C1QTNF3: variants seen among roughly 807,000 people sequenced by gnomAD.
C1QTNF3 encodes the protein C1q and TNF related 3.
C1QTNF3 carries 26 observed loss-of-function variants against 32.6 expected under a neutral mutation model. The ratio of observed to expected loss-of-function variants is 0.80; its 90% CI spans 0.58 to 1.11. The LOEUF is 1.11. Among genes scored for constraint, C1QTNF3 ranks in the 50% least tolerant of loss-of-function variants. The pLI, the probability that C1QTNF3 is intolerant of heterozygous loss-of-function variation, is 0.00. For missense variants in C1QTNF3, 362 were observed against 398.2 expected, an observed-to-expected ratio of 0.91 and a Z score of 0.77; for synonymous variants, 155 against 146.0, an observed-to-expected ratio of 1.06 and a Z score of -0.44.
At chr5:34,224,096 G>T in the C1QTNF3 span, among the ~76,000 whole-genome samples, 1 of 152,174 alleles carries the variant, frequency 6.6e-6, no homozygotes, top group East Asian at 1.9e-4. Context: ...ACTTAAAAGG[G>T]ATGGGAAGGA....
the C1QTNF3 span, among the ~76,000 whole-genome samples, chr5:34,142,755 T>C: frequency 6.6e-6 from 1 of 152,212 alleles, no homozygotes; most frequent in African/African-American, 2.4e-5. Context: ...TCTGGCCCTC[T>C]GAAAACACCC....
chr5:34,135,222 T>C, the C1QTNF3 span, among the ~76,000 whole-genome samples: 2 of 152,340 alleles, frequency 1.3e-5, no homozygotes, highest in East Asian at 1.9e-4. Flanking sequence ...ATTATGTTTA[T>C]TGATTTGTGT....
At chr5:34,120,654 A>G in the C1QTNF3 span, among the ~76,000 whole-genome samples, 1 of 152,106 alleles carries the variant, frequency 6.6e-6, no homozygotes. Context: ...GTCTCATAAG[A>G]TCTGATGGTT....
At chr5:34,171,266 A>AT in the C1QTNF3 span, among the ~76,000 whole-genome samples, 1 of 151,764 alleles carries the variant, frequency 6.6e-6, no homozygotes, top group African/African-American at 2.4e-5. Context: ...TTCTTACTGA[A>AT]TTTTTTTCAG....
chr5:34,049,317 A>T, the C1QTNF3 span, among the ~76,000 whole-genome samples: 1 of 152,152 alleles, frequency 6.6e-6, no homozygotes, highest in African/African-American at 2.4e-5. Flanking sequence ...CAGCTTCTAA[A>T]TCCAGATAAC....
the C1QTNF3 span, among the ~76,000 whole-genome samples, chr5:34,082,266 G>GA: frequency 6.6e-6 from 1 of 151,272 alleles, no homozygotes; most frequent in East Asian, 1.9e-4. Flanking sequence ...TGTAGAAAGG[G>GA]AAAAAATGTG....
the C1QTNF3 span, among the ~76,000 whole-genome samples, chr5:34,120,079 C>T: frequency 6.4e-4 from 97 of 152,298 alleles, no homozygotes; most frequent in Admixed American, 6.5e-4. Context: ...AATTTTAATA[C>T]TACCTCAAGT....
the C1QTNF3 span, among the ~76,000 whole-genome samples, chr5:34,075,707 T>A: frequency 1.3e-5 from 2 of 151,520 alleles, no homozygotes; most frequent in African/African-American, 4.9e-5. Context: ...ACAACAGAAT[T>A]ACTCTATGAA....
the C1QTNF3 span, among the ~76,000 whole-genome samples, chr5:34,110,754 A>G: frequency 1.3e-5 from 2 of 151,676 alleles, no homozygotes; most frequent in Non-Finnish European, 2.9e-5. Flanking sequence ...TTTCTCTCTG[A>G]AAAAATTTGT....
chr5:34,162,034 C>T, the C1QTNF3 span, among the ~76,000 whole-genome samples: 1 of 152,046 alleles, frequency 6.6e-6, no homozygotes, highest in Non-Finnish European at 1.5e-5. Flanking sequence ...TTACCCTGGA[C>T]TGATTCTCTC....
the C1QTNF3 span, among the ~76,000 whole-genome samples, chr5:34,080,434 T>A: frequency 6.6e-6 from 1 of 151,754 alleles, no homozygotes; most frequent in Non-Finnish European, 1.5e-5. Context: ...TGTTAAACAT[T>A]TTTAAATATA....
rs1754239031 is a variant in C1QTNF3, at chr5:34,018,092, A to C, written c.*2491T>G. On this transcript the variant is annotated 3_prime_UTR_variant, in exon 6 of 6. Coordinates refer to ENST00000382065, the MANE Select transcript of C1QTNF3 (RefSeq NM_181435.6). ...AAAGCTAATTTCAAATTATTTTATT[A>C]CTATATTTAAAAATAAAAGCCATAA... 6.6e-6 allele frequency among the ~76,000 whole-genome samples: 1 copy of C among 151,852 alleles called. No individual in the cohort carries two copies. The highest frequency in any genetic ancestry group is 1.5e-5 in the Non-Finnish European group (1 of 67,960).
chr5:34,114,618 C>CT, the C1QTNF3 span, among the ~76,000 whole-genome samples: 3 of 151,032 alleles, frequency 2.0e-5, no homozygotes, highest in African/African-American at 2.4e-5. Context: ...GATCATTTTA[C>CT]TTTTTTTTTG....
intron 1 of C1QTNF3, among the ~76,000 whole-genome samples, chr5:34,036,853 G>A (rs1754754674): frequency 1.3e-5 from 2 of 152,164 alleles, no homozygotes; most frequent in African/African-American, 4.8e-5. Flanking sequence ...TTGGGAGGCT[G>A]AGGCAGGAGA....
At chr5:34,107,090 T>C in the C1QTNF3 span, among the ~76,000 whole-genome samples, 1 of 77,904 alleles carries the variant, frequency 1.3e-5, no homozygotes, top group Non-Finnish European at 2.5e-5. Flanking sequence ...TTGCTAAGTA[T>C]AGTAAGTGTC....
At chr5:34,114,081 A>C in the C1QTNF3 span, among the ~76,000 whole-genome samples, 6 of 152,224 alleles carry the variant, frequency 3.9e-5, no homozygotes, top group African/African-American at 1.4e-4. Context: ...TAATTAAGGA[A>C]AGTGAATAGC....
At chr5:34,068,855 C>T in the C1QTNF3 span, among the ~76,000 whole-genome samples, 1 of 152,226 alleles carries the variant, frequency 6.6e-6, no homozygotes, top group East Asian at 1.9e-4. Flanking sequence ...TTATCTATGT[C>T]ACAAATAACA....
At chr5:34,121,293 CA>C in the C1QTNF3 span, among the ~76,000 whole-genome samples, 1 of 152,014 alleles carries the variant, frequency 6.6e-6, no homozygotes, top group Non-Finnish European at 1.5e-5. Context: ...TTGTTGTTAA[CA>C]AATAACTCAT....
the C1QTNF3 span, among the ~76,000 whole-genome samples, chr5:34,048,285 T>TGTGTGTGC: frequency 8.9e-3 from 881 of 98,470 alleles, 7 homozygotes; most frequent in African/African-American, 0.03. Flanking sequence ...TGTGTGTGTG[T>TGTGTGTGC]GCATGAGAGA....
Sources: gnomAD v4.1 joint callset for allele counts (sites outside exome capture counted in the v4.1 genomes callset) on GRCh38, gnomAD v4.1.1 for gene constraint, MANE v1.5 for transcripts, NCBI Gene and HGNC (gene_info 2026-07-23, HGNC 2026-07-21) for gene names.